PCDH7: variants seen among roughly 807,000 people sequenced by gnomAD.
PCDH7 encodes the protein protocadherin-7.
In PCDH7, 17 loss-of-function variants were observed where a neutral mutation model predicts 58.9. The ratio of observed to expected loss-of-function variants is 0.29; its 90% confidence interval spans 0.20 to 0.43. The LOEUF is 0.43. Ranked by LOEUF, PCDH7 falls within the 20% of genes least tolerant of loss-of-function variation. PCDH7 has a pLI of 1.00. For missense variants in PCDH7, 1,274 were observed against 1,441.0 expected, an observed-to-expected ratio of 0.88 and a Z score of 1.88; for synonymous variants, 664 against 616.4, an observed-to-expected ratio of 1.08 and a Z score of -1.14.
intron 1 of PCDH7, chr4:30,884,872 G>C (rs1008801535): frequency 4.0e-5 from 6 of 151,888 alleles, no homozygotes; most frequent in Admixed American, 1.3e-4. Context: ...AGGAGGAGGA[G>C]GAAAATGAAA....
intron 1 of PCDH7, among the ~76,000 whole-genome samples, chr4:30,799,626 A>G (rs1159621045): frequency 6.6e-6 from 1 of 152,146 alleles, no homozygotes; most frequent in Non-Finnish European, 1.5e-5. Context: ...CATAAGTTTC[A>G]GTGGGAATAT....
intron 3 of PCDH7, among the ~76,000 whole-genome samples, chr4:31,132,933 C>G (rs1719166707): frequency 6.6e-6 from 1 of 152,178 alleles, no homozygotes; most frequent in Admixed American, 6.5e-5. Flanking sequence ...TCTATTTAAA[C>G]AGAATCTTGC....
chr4:30,836,858 A>C (rs1393920621), intron 1 of PCDH7, among the ~76,000 whole-genome samples: 2 of 152,212 alleles, frequency 1.3e-5, no homozygotes, highest in African/African-American at 2.4e-5. Context: ...AATGACTGTC[A>C]GAGTAACTCA....
At chr4:30,817,067 T>C (rs1426841830) in intron 1 of PCDH7, among the ~76,000 whole-genome samples, 1 of 152,206 alleles carries the variant, frequency 6.6e-6, no homozygotes, top group Non-Finnish European at 1.5e-5. Context: ...TATTTGGCTA[T>C]GCAATCTCTA....
intron 3 of PCDH7, among the ~76,000 whole-genome samples, chr4:31,102,673 CAAA>C (rs765391662): frequency 1.0e-5 from 1 of 96,160 alleles, no homozygotes. Flanking sequence ...AACTCCATCT[CAAA>C]AAAAAAAAAA....
chr4:30,801,571 A>G (rs917428467), intron 1 of PCDH7, among the ~76,000 whole-genome samples: 8 of 152,200 alleles, frequency 5.3e-5, no homozygotes, highest in African/African-American at 1.4e-4. Context: ...CTAGGCCACT[A>G]GTCTTTAAAC....
chr4:31,049,663 G>A (rs1176060434), intron 3 of PCDH7, among the ~76,000 whole-genome samples: 1 of 152,100 alleles, frequency 6.6e-6, no homozygotes, highest in Non-Finnish European at 1.5e-5. Flanking sequence ...GCTGGTTACA[G>A]GGTCAGACGC....
intron 3 of PCDH7, among the ~76,000 whole-genome samples, chr4:31,038,110 C>T (rs1755561386): frequency 6.6e-6 from 1 of 152,000 alleles, no homozygotes; most frequent in South Asian, 2.1e-4. Context: ...ATCTTGTTGT[C>T]GAAAATAAAT....
intron 1 of PCDH7, among the ~76,000 whole-genome samples, chr4:30,898,416 C>T (rs1400355066): frequency 6.6e-6 from 1 of 152,132 alleles, no homozygotes; most frequent in Admixed American, 6.5e-5. Flanking sequence ...GATACAAAAA[C>T]AGGAATGTGA....
At chr4:30,888,770 G>A (rs1738192077) in intron 1 of PCDH7, among the ~76,000 whole-genome samples, 1 of 152,152 alleles carries the variant, frequency 6.6e-6, no homozygotes, top group African/African-American at 2.4e-5. Flanking sequence ...TGACAGACTT[G>A]TTCTTAGGAT....
intron 2 of PCDH7, among the ~76,000 whole-genome samples, chr4:30,934,087 G>T (rs1291082270): frequency 1.3e-5 from 2 of 152,174 alleles, no homozygotes; most frequent in Non-Finnish European, 2.9e-5. Context: ...AATTTTGAGA[G>T]GCATTTCTAG....
intron 3 of PCDH7, among the ~76,000 whole-genome samples, chr4:31,019,363 A>C (rs1331674742): frequency 6.6e-6 from 1 of 152,200 alleles, no homozygotes; most frequent in Non-Finnish European, 1.5e-5. Context: ...TTTACCTTGC[A>C]TGAGGCCACA....
At chr4:30,733,655 C>T (rs992235670), downstream of PCDH7, among the ~76,000 whole-genome samples, 2 of 151,984 alleles carry the variant, frequency 1.3e-5, no homozygotes, top group Non-Finnish European at 1.5e-5. Flanking sequence ...TACATGTTTG[C>T]TTATTTGTAC....
At chr4:31,070,191 C>A (rs1251555830) in intron 3 of PCDH7, among the ~76,000 whole-genome samples, 1 of 151,954 alleles carries the variant, frequency 6.6e-6, no homozygotes. Flanking sequence ...AGAATAAATT[C>A]TTCATATTTC....
intron 2 of PCDH7, among the ~76,000 whole-genome samples, chr4:30,940,720 G>A (rs145261357): frequency 2.6e-5 from 4 of 152,018 alleles, no homozygotes; most frequent in South Asian, 2.1e-4. Flanking sequence ...GGTCCTTTAC[G>A]TATAATAGCA....
intron 1 of PCDH7, among the ~76,000 whole-genome samples, chr4:30,841,338 A>G (rs758133614): frequency 3.3e-5 from 5 of 152,120 alleles, no homozygotes; most frequent in African/African-American, 4.8e-5. Flanking sequence ...CTCAAATTTC[A>G]TCTTGATATA....
intron 1 of PCDH7, among the ~76,000 whole-genome samples, chr4:30,890,195 T>C (rs1738429402): frequency 6.6e-6 from 1 of 152,136 alleles, no homozygotes; most frequent in Non-Finnish European, 1.5e-5. Flanking sequence ...CCAGTATTTA[T>C]AGGTATCTCC....
intron 3 of PCDH7, among the ~76,000 whole-genome samples, chr4:31,007,572 G>C (rs1752868349): frequency 6.7e-6 from 1 of 150,284 alleles, no homozygotes; most frequent in South Asian, 2.1e-4. Flanking sequence ...GTTTCTAGAA[G>C]ATATGGTTTT....
intron 3 of PCDH7, among the ~76,000 whole-genome samples, chr4:30,974,376 T>G (rs1749881279): frequency 6.6e-6 from 1 of 151,606 alleles, no homozygotes; most frequent in South Asian, 2.1e-4. Context: ...CCACTAACCA[T>G]GAAAGGTTTT....
Sources: gnomAD v4.1 joint callset for allele counts (sites outside exome capture counted in the v4.1 genomes callset) on GRCh38, gnomAD v4.1.1 for gene constraint, MANE v1.5 for transcripts, NCBI Gene and HGNC (gene_info 2026-07-23, HGNC 2026-07-21) for gene names.